Variants in GIP observed in about 807,000 individuals in gnomAD.
The protein encoded by GIP is gastric inhibitory polypeptide, also known as glucose-dependent insulinotropic polypeptide.
GIP carries 16 observed loss-of-function variants against 18.1 expected under a neutral mutation model. The observed-to-expected ratio is 0.88, with a 90% CI of 0.60 to 1.34. The LOEUF is 1.34. Ranked by LOEUF, GIP falls within the 40% of genes most tolerant of loss-of-function variation. The probability of loss-of-function intolerance (pLI) is 0.00; values close to 1 mark genes in which losing one functional copy is unlikely to be tolerated. For synonymous variants in GIP, 76 were observed against 74.0 expected (o/e 1.03, Z -0.14); for missense variants, 192 against 183.4 (o/e 1.05, Z -0.27).
intron 3 of GIP, among the ~76,000 whole-genome samples, chr17:48,963,822 CA>C (rs2041214485): frequency 2.3e-5 from 1 of 44,342 alleles, no homozygotes. Context: ...GCCTGGGCAA[CA>C]AGAGCAAAAC....
rs774110194 is a variant in GIP at position 48,961,806 on chromosome 17, T to C, written c.271A>G (p.Ile91Val). Residue 91 changes from isoleucine to valine, a missense_variant, in exon 4 of 6, where the codon ATC (isoleucine) becomes GTC (valine). Coordinates refer to ENST00000357424, the MANE Select transcript of GIP (RefSeq NM_004123.3). ...KGKKNDWKHN[I>V]TQREARALEL... ...AGCGCCCGAGCCTCCCTCTGGGTGA[T>C]GTTGTGTTTCCAGCTGGGAAGATAA... 7 of 1,612,090 alleles carry C rather than the reference T, an allele frequency of 4.3e-6. No homozygotes were observed. The highest frequency in any genetic ancestry group is 1.3e-5 in the African/African-American group (1 of 74,904).
In GIP at chr17:48,967,037, C is replaced by T. The variant is rs551325308; in HGVS notation, c.86+110G>A. 51 of 789,726 alleles carry T rather than the reference C, an allele frequency of 6.5e-5. 1 individual carries two copies. In the East Asian group the frequency reaches 1.3e-3, roughly 20 times the overall value. The allele number at this position is 789,726 out of a possible 1,614,324, so 48.9% of individuals were successfully genotyped here. ...GCAGGTATTTCCCTGGAGCTTCCTA[C>T]CTCTTAGCCTGGATTCCTTCCCTTT... On this transcript the variant is annotated intron_variant, in intron 2 of 5. Coordinates refer to ENST00000357424, the MANE Select transcript of GIP (RefSeq NM_004123.3).
intron 1 of GIP, among the ~76,000 whole-genome samples, chr17:48,967,976 T>C (rs1264833108): frequency 2.0e-5 from 3 of 151,894 alleles, no homozygotes; most frequent in Non-Finnish European, 2.9e-5. Context: ...CGCTTGAACC[T>C]GGGAGGAAGA....
At chr17:48,964,587 G>A (rs2041223936) in intron 2 of GIP, 107 bp from the exon 3 acceptor site, 7 of 935,490 alleles carry the variant, frequency 7.5e-6, no homozygotes, top group South Asian at 6.3e-5. Context: ...AAACCAGTCC[G>A]TTTTTATGGA....
At chr17:48,959,296 A>G (rs1440551994) in intron 5 of GIP, among the ~76,000 whole-genome samples, 6 of 152,118 alleles carry the variant, frequency 3.9e-5, no homozygotes, top group Admixed American at 3.9e-4. Context: ...TCATCAAATC[A>G]CCATTTTAAT....
At chr17:48,966,649 A>G in intron 2 of GIP, among the ~76,000 whole-genome samples, 1 of 151,938 alleles carries the variant, frequency 6.6e-6, no homozygotes, top group Non-Finnish European at 1.5e-5. Flanking sequence ...TCTACAAAAA[A>G]TTCAAAAACT....
chr17:48,967,131 C>T lies in GIP; in HGVS notation c.86+16G>A, dbSNP rs1176116652. The T allele has an allele frequency of 1.3e-6, 2 of 1,583,584 alleles. No individual in the cohort carries two copies. Among genetic ancestry groups the T allele is most frequent in the Non-Finnish European group, 1.7e-6 (2 of 1,152,250 alleles). On this transcript the variant is annotated intron_variant, in intron 2 of 5. Transcript: ENST00000357424. ...ACCCCTCCTCTGCCCCATCCCTTTC[C>T]TCTCACCACTCCTACCTGAAGTGAC...
At chr17:48,965,152 T>G (rs1273602587) in intron 2 of GIP, among the ~76,000 whole-genome samples, 1 of 53,686 alleles carries the variant, frequency 1.9e-5, no homozygotes, top group African/African-American at 1.1e-4. Context: ...AAAAAAAAAA[T>G]TAGCCAGGCG....
chr17:48,964,364 A>C lies in GIP; in HGVS notation c.203T>G (p.Ile68Ser). The C allele has an allele frequency of 6.2e-7, 1 of 1,613,874 alleles. No homozygotes were observed. Among genetic ancestry groups the C allele is most frequent in the Non-Finnish European group, 8.5e-7 (1 of 1,179,880 alleles). ...CCAGTTCACAAAGTCTTGTTGGTGA[A>C]TCTTGTCCATGGCAATACTGTAGTC... ...ISDYSIAMDK[I>S]HQQDFVNWLL... Residue 68 changes from isoleucine to serine, a missense_variant, in exon 3 of 6, where the codon ATT becomes AGT. Transcript: ENST00000357424.
At chr17:48,962,222 A>G (rs1181856943) in intron 3 of GIP, among the ~76,000 whole-genome samples, 1 of 151,962 alleles carries the variant, frequency 6.6e-6, no homozygotes, top group African/African-American at 2.4e-5. Flanking sequence ...GGCAGGCATC[A>G]CCACACCCAG....
intron 5 of GIP, among the ~76,000 whole-genome samples, chr17:48,958,955 C>T (rs895681761): frequency 5.0e-4 from 76 of 151,162 alleles, no homozygotes; most frequent in African/African-American, 1.5e-3. Flanking sequence ...CCTGGGTTCA[C>T]GCCATTCTCC....
intron 2 of GIP, 136 bp downstream of exon 2, chr17:48,967,011 G>GAC: frequency 1.5e-6 from 1 of 647,870 alleles, no homozygotes; most frequent in Admixed American, 2.5e-5. Context: ...TCACGCTGCC[G>GAC]GCAGGTATTT....
At chr17:48,967,787 C>T (rs1210027132) in intron 1 of GIP, among the ~76,000 whole-genome samples, 1 of 151,236 alleles carries the variant, frequency 6.6e-6, no homozygotes, top group Non-Finnish European at 1.5e-5. Context: ...TGCAGTGGCT[C>T]ATGCCTGCAA....
chr17:48,958,702 C>A lies in GIP; in HGVS notation c.*5G>T, dbSNP rs959957964. 13 of 1,581,854 alleles carry A rather than the reference C, an allele frequency of 8.2e-6. No individual in the cohort carries two copies. Among genetic ancestry groups the A allele is most frequent in the Non-Finnish European group, 1.1e-5 (13 of 1,164,104 alleles). ...AATCCAGTCCTGAGCTGGGTGTGGT[C>A]AGAGTCACCGAGACCTGGGGAGAGT... On this transcript the variant is annotated 3_prime_UTR_variant, in exon 6 of 6. Transcript: ENST00000357424.
At chr17:48,961,026 A>C (rs2041197999) in intron 4 of GIP, 39 bp from the exon 5 acceptor site, 2 of 1,448,896 alleles carry the variant, frequency 1.4e-6, no homozygotes, top group Non-Finnish European at 1.9e-6. Context: ...TTTTAGCCTG[A>C]GCTTCGCCCA....
At position 48,967,202 on chromosome 17, in the gene GIP, G is replaced by A; in HGVS notation, c.31C>T (p.Leu11=). Residue 11 remains leucine (L), a synonymous_variant, in exon 2 of 6, where the codon CTG becomes TTG. Transcript: ENST00000357424. The part of the protein sequence containing the change: MVATKTFALL[L]LSLFLAVGLG... ...CCCACTGCCAGGAACAGGGACAGCA[G>A]CAGCAGAGCAAAGGTCTTCGTGGCC... is the stretch of plus-strand genomic sequence containing the variant. The A allele has an allele frequency of 1.2e-6, 2 of 1,613,996 alleles. No individual in the cohort carries two copies. Among genetic ancestry groups the A allele is most frequent in the Non-Finnish European group, 1.7e-6 (2 of 1,179,926 alleles).
At chr17:48,963,654 C>T (rs1439437323) in intron 3 of GIP, among the ~76,000 whole-genome samples, 3 of 151,020 alleles carry the variant, frequency 2.0e-5, no homozygotes, top group African/African-American at 2.4e-5. Context: ...AGCTAGACTT[C>T]GTCTCAAAAG....
chr17:48,964,172 A>AG, intron 3 of GIP, 138 bp downstream of exon 3: 1 of 592,884 alleles, frequency 1.7e-6, no homozygotes, highest in Non-Finnish European at 2.9e-6. Context: ...AAAAAAAAAA[A>AG]AAAAAGAAAA....
chr17:48,966,858 A>C (rs923432849), intron 2 of GIP, among the ~76,000 whole-genome samples: 12 of 152,304 alleles, frequency 7.9e-5, no homozygotes, highest in African/African-American at 2.9e-4. Context: ...GCATAAATGA[A>C]TAAAACATTT....
Sources: allele counts gnomAD v4.1 joint callset (sites outside exome capture counted in the v4.1 genomes callset), GRCh38; gene constraint gnomAD v4.1.1; transcripts MANE v1.5; gene names NCBI Gene and HGNC (gene_info 2026-07-23, HGNC 2026-07-21).